VDAC1: variants seen among roughly 807,000 people sequenced by gnomAD.
VDAC1 encodes voltage dependent anion channel 1.
A neutral mutation model predicts 34.7 loss-of-function variants in VDAC1; 10 were observed. That is an observed-to-expected ratio of 0.29 (90% confidence interval 0.18 to 0.49). The LOEUF (loss-of-function observed/expected upper bound fraction) is 0.49. Among genes scored for constraint, VDAC1 ranks in the 20% least tolerant of loss-of-function variants. The probability of loss-of-function intolerance (pLI) is 0.99; values close to 1 mark genes in which losing one functional copy is unlikely to be tolerated. For missense variants in VDAC1, 230 were observed against 347.9 expected (o/e 0.66, Z 2.69); for synonymous variants, 130 against 136.0 (o/e 0.96, Z 0.30).
the VDAC1 span, among the ~76,000 whole-genome samples, chr5:134,047,632 C>G: frequency 6.6e-6 from 1 of 152,268 alleles, no homozygotes. Flanking sequence ...TATCAGCTCA[C>G]AATGCTGCAG....
chr5:134,047,456 G>A, the VDAC1 span, among the ~76,000 whole-genome samples: 1 of 152,178 alleles, frequency 6.6e-6, no homozygotes, highest in Non-Finnish European at 1.5e-5. Flanking sequence ...TGGGGCCTCA[G>A]AAAAGGACCA....
chr5:134,110,364 C>T, the VDAC1 span, among the ~76,000 whole-genome samples: 1 of 152,152 alleles, frequency 6.6e-6, no homozygotes, highest in South Asian at 2.1e-4. Flanking sequence ...GAACTGACCC[C>T]AAAGCCCCCT....
At chr5:134,063,020 T>G in the VDAC1 span, among the ~76,000 whole-genome samples, 1 of 152,206 alleles carries the variant, frequency 6.6e-6, no homozygotes, top group Non-Finnish European at 1.5e-5. Flanking sequence ...GCCTATAGTT[T>G]CCCAGTATGT....
chr5:133,977,973 A>T (rs1287342517), intron 6 of VDAC1, among the ~76,000 whole-genome samples: 3 of 152,202 alleles, frequency 2.0e-5, no homozygotes, highest in Non-Finnish European at 4.4e-5. Context: ...AGACCCTCTC[A>T]AACATCTTTA....
At chr5:134,004,707 G>GGGAGCCGAGCCAGGGAGC (rs1423155062) in intron 1 of VDAC1, 188 bp downstream of exon 1, 20 of 151,532 alleles carry the variant, frequency 1.3e-4, no homozygotes, top group Non-Finnish European at 2.5e-4. Flanking sequence ...CGCGGAGGCA[G>GGGAGCCGAGCCAGGGAGC]GGAGCCGAGC....
the VDAC1 span, among the ~76,000 whole-genome samples, chr5:134,063,232 T>C: frequency 6.6e-6 from 1 of 152,288 alleles, no homozygotes; most frequent in Non-Finnish European, 1.5e-5. Context: ...TAAACTCCAG[T>C]CTTTGTTTGG....
At chr5:134,004,869 A>G (rs1296997626) in intron 1 of VDAC1, 26 bp downstream of exon 1, 2 of 151,532 alleles carry the variant, frequency 1.3e-5, no homozygotes, top group East Asian at 1.9e-4. Flanking sequence ...CAGGGTCCCC[A>G]TCCCGCTAGC....
In VDAC1 at chr5:133,990,841, G is replaced by T; in HGVS notation, c.323+14C>A. The stretch of plus-strand genomic sequence containing the variant: ...AGAGAACATCCTTGTGGAGAAAACA[G>T]ATGAAACTCTTACCCAGTGTTAGGT... On this transcript the variant is annotated intron_variant, in intron 5 of 8. Coordinates refer to ENST00000265333, the MANE Select transcript of VDAC1 (RefSeq NM_003374.3). 1.3e-6 allele frequency: 2 copies of T among 1,530,530 alleles called. No homozygotes were observed. Among genetic ancestry groups the T allele is most frequent in the Non-Finnish European group, 1.8e-6 (2 of 1,139,588 alleles). 94.8% of individuals were successfully genotyped at this position (1,530,530 alleles called of 1,614,324 possible).
the VDAC1 span, among the ~76,000 whole-genome samples, chr5:134,031,236 A>G: frequency 2.0e-5 from 3 of 152,056 alleles, no homozygotes; most frequent in Non-Finnish European, 2.9e-5. Flanking sequence ...TTTTATCCCT[A>G]CCTTTCATAT....
chr5:134,056,759 C>T, the VDAC1 span, among the ~76,000 whole-genome samples: 1 of 152,200 alleles, frequency 6.6e-6, no homozygotes, highest in African/African-American at 2.4e-5. Context: ...GATCTTGGCT[C>T]ACCGCAACCT....
At chr5:134,094,432 C>G in the VDAC1 span, among the ~76,000 whole-genome samples, 2 of 152,298 alleles carry the variant, frequency 1.3e-5, no homozygotes, top group African/African-American at 4.8e-5. Context: ...GGCGCGGTGG[C>G]TCACACCTGT....
the VDAC1 span, among the ~76,000 whole-genome samples, chr5:134,010,438 A>T: frequency 6.6e-6 from 1 of 152,136 alleles, no homozygotes; most frequent in Non-Finnish European, 1.5e-5. Context: ...CCTCTACTAA[A>T]AATACAAAAA....
the VDAC1 span, among the ~76,000 whole-genome samples, chr5:134,098,125 C>T: frequency 6.6e-6 from 1 of 152,000 alleles, no homozygotes; most frequent in African/African-American, 2.4e-5. Context: ...CTAGCCTCAG[C>T]CTCCCAAAAT....
chr5:134,001,196 C>T (rs1486036727), intron 1 of VDAC1, among the ~76,000 whole-genome samples: 2 of 152,228 alleles, frequency 1.3e-5, no homozygotes, highest in African/African-American at 4.8e-5. Flanking sequence ...TGTGAGAGCA[C>T]CACCATTCAG....
the VDAC1 span, among the ~76,000 whole-genome samples, chr5:134,044,623 C>CTG: frequency 4.3e-5 from 1 of 23,040 alleles, no homozygotes; most frequent in African/African-American, 7.7e-5. Flanking sequence ...GTGCACATAA[C>CTG]TGTGTGTGTG....
chr5:134,095,329 T>A, the VDAC1 span, among the ~76,000 whole-genome samples: 3 of 151,540 alleles, frequency 2.0e-5, no homozygotes, highest in Non-Finnish European at 2.9e-5. Flanking sequence ...AAAAAATTTT[T>A]AAAATTAGCT....
chr5:134,057,208 G>A, the VDAC1 span, among the ~76,000 whole-genome samples: 72 of 152,192 alleles, frequency 4.7e-4, no homozygotes, highest in East Asian at 1.2e-3. Context: ...GGCTGGGCAC[G>A]GTGGCTCATG....
the VDAC1 span, among the ~76,000 whole-genome samples, chr5:134,097,342 G>A: frequency 2.0e-5 from 3 of 152,118 alleles, no homozygotes; most frequent in Non-Finnish European, 2.9e-5. Context: ...AAACATTCAG[G>A]AACACAAAAG....
chr5:134,105,013 G>C, the VDAC1 span, among the ~76,000 whole-genome samples: 10 of 152,296 alleles, frequency 6.6e-5, no homozygotes, highest in Admixed American at 6.5e-4. Flanking sequence ...CCCCGCCTTG[G>C]GACAGTGACT....
Sources: gnomAD v4.1 joint callset for allele counts (sites outside exome capture counted in the v4.1 genomes callset) on GRCh38, gnomAD v4.1.1 for gene constraint, MANE v1.5 for transcripts, NCBI Gene and HGNC (gene_info 2026-07-23, HGNC 2026-07-21) for gene names.